The following CLSTN2 variants were observed in gnomAD, a reference collection of about 807,000 sequenced individuals.
CLSTN2 encodes calsyntenin 2, also known as calsyntenin-2.
In CLSTN2, 48 loss-of-function variants were observed where a neutral mutation model predicts 101.2. The observed-to-expected ratio is 0.47, with a 90% CI of 0.38 to 0.60. The LOEUF (loss-of-function observed/expected upper bound fraction) is 0.60, where lower values mean the gene tolerates loss of function less well. Among genes scored for constraint, CLSTN2 ranks in the 20% least tolerant of loss-of-function variants. The pLI is 0.00. For missense variants in CLSTN2, 1,160 were observed against 1,238.2 expected, an observed-to-expected ratio of 0.94 and a Z score of 0.95; for synonymous variants, 481 against 463.6, an observed-to-expected ratio of 1.04 and a Z score of -0.48.
At chr3:140,041,379 C>A (rs1576406515) in intron 1 of CLSTN2, among the ~76,000 whole-genome samples, 1 of 150,734 alleles carries the variant, frequency 6.6e-6, no homozygotes, top group Admixed American at 6.6e-5. Context: ...GGCTTCTGGG[C>A]AGACCCTTGT....
At chr3:140,442,074 A>G (rs1314796246) in intron 5 of CLSTN2, among the ~76,000 whole-genome samples, 1 of 152,114 alleles carries the variant, frequency 6.6e-6, no homozygotes, top group African/African-American at 2.4e-5. Flanking sequence ...GCAATGCTAT[A>G]TTAACCATGC....
intron 1 of CLSTN2, among the ~76,000 whole-genome samples, chr3:140,144,612 T>C (rs2009754267): frequency 6.6e-6 from 1 of 151,510 alleles, no homozygotes; most frequent in African/African-American, 2.4e-5. Flanking sequence ...CGAGACTTCA[T>C]CTCCAAAAAA....
At chr3:140,343,420 G>A (rs1205837982) in intron 2 of CLSTN2, among the ~76,000 whole-genome samples, 5 of 152,212 alleles carry the variant, frequency 3.3e-5, no homozygotes, top group Non-Finnish European at 7.3e-5. Flanking sequence ...TGGTTACCAT[G>A]AGGTTAGCTC....
chr3:140,384,835 T>C (rs140072019), intron 2 of CLSTN2, among the ~76,000 whole-genome samples: 2 of 152,366 alleles, frequency 1.3e-5, no homozygotes, highest in East Asian at 3.9e-4. Flanking sequence ...ACATTTAAAA[T>C]ATTCCTGTTC....
chr3:140,405,287 G>C (rs62266370), intron 4 of CLSTN2, among the ~76,000 whole-genome samples: 61,208 of 151,730 alleles, frequency 0.4, 14,777 homozygotes, highest in South Asian at 0.61. Flanking sequence ...GAGTACAATG[G>C]CACAATCTTC....
intron 5 of CLSTN2, among the ~76,000 whole-genome samples, chr3:140,435,222 C>T (rs1006645627): frequency 6.6e-6 from 1 of 152,158 alleles, no homozygotes; most frequent in Non-Finnish European, 1.5e-5. Context: ...CCCCTACCAC[C>T]CTTCTCAGCC....
chr3:140,148,806 T>C (rs1421391618), intron 1 of CLSTN2, among the ~76,000 whole-genome samples: 1 of 152,182 alleles, frequency 6.6e-6, no homozygotes, highest in African/African-American at 2.4e-5. Context: ...AGCTTCAGGA[T>C]GAGGAGTCCC....
At chr3:140,483,807 G>T (rs534330714) in intron 8 of CLSTN2, among the ~76,000 whole-genome samples, 1 of 151,620 alleles carries the variant, frequency 6.6e-6, no homozygotes, top group Non-Finnish European at 1.5e-5. Context: ...ATTGCTTTCC[G>T]TTTGCTTGGT....
chr3:140,466,077 C>T (rs1274165783), intron 7 of CLSTN2, among the ~76,000 whole-genome samples: 1 of 152,184 alleles, frequency 6.6e-6, no homozygotes, highest in Non-Finnish European at 1.5e-5. Context: ...AAATCAACCT[C>T]TCCCCTCCTC....
At chr3:140,274,012 G>A (rs1010715483) in intron 2 of CLSTN2, among the ~76,000 whole-genome samples, 1 of 152,120 alleles carries the variant, frequency 6.6e-6, no homozygotes, top group Admixed American at 6.5e-5. Flanking sequence ...TTAAGCAAAG[G>A]TTACAGCTCA....
Position 140,250,990 on chromosome 3 carries a change from A to G in CLSTN2, c.232+74917A>G, listed in dbSNP as rs565640676. 5.3e-5 allele frequency among the ~76,000 whole-genome samples: 8 copies of G among 152,278 alleles called. No individual in the cohort carries two copies. In the South Asian group the frequency reaches 1.7e-3, roughly 32 times the overall value. On this transcript the variant is annotated intron_variant, in intron 2 of 16. Transcript: ENST00000458420. ...GAATTCTGAGAAGAGTCTTTTCCTC[A>G]CTGACTGGTTTCCATGTGGCGGATA... is the stretch of plus-strand genomic sequence containing the variant.
At chr3:140,265,966 A>G (rs952776031) in intron 2 of CLSTN2, among the ~76,000 whole-genome samples, 2 of 152,204 alleles carry the variant, frequency 1.3e-5, no homozygotes, top group African/African-American at 4.8e-5. Context: ...TAGCTGGTGC[A>G]GACATCATCA....
chr3:140,565,470 G>A (rs914922054), intron 16 of CLSTN2, among the ~76,000 whole-genome samples: 2 of 152,120 alleles, frequency 1.3e-5, no homozygotes, highest in African/African-American at 4.8e-5. Context: ...AATTGGACTG[G>A]AAAGGAAGGG....
intron 1 of CLSTN2, among the ~76,000 whole-genome samples, chr3:140,156,365 C>T (rs978837989): frequency 3.3e-5 from 5 of 152,194 alleles, no homozygotes; most frequent in African/African-American, 9.7e-5. Flanking sequence ...CATTTTATTG[C>T]TCATGCTGAA....
intron 2 of CLSTN2, among the ~76,000 whole-genome samples, chr3:140,226,530 G>A (rs1352379198): frequency 6.6e-6 from 1 of 152,160 alleles, no homozygotes; most frequent in Non-Finnish European, 1.5e-5. Flanking sequence ...TGGTATATGG[G>A]TATTCATTAT....
chr3:140,061,302 C>T (rs1002574873), intron 1 of CLSTN2, among the ~76,000 whole-genome samples: 2 of 152,158 alleles, frequency 1.3e-5, no homozygotes, highest in African/African-American at 4.8e-5. Flanking sequence ...TAGTTGGTTT[C>T]TAACATAAGT....
At chr3:140,288,049 A>G (rs2086912232) in intron 2 of CLSTN2, among the ~76,000 whole-genome samples, 1 of 146,106 alleles carries the variant, frequency 6.8e-6, no homozygotes, top group Admixed American at 6.8e-5. Flanking sequence ...AACTCAACCA[A>G]CTGATGCCAA....
At chr3:140,549,147 T>G (rs1022509497) in intron 10 of CLSTN2, among the ~76,000 whole-genome samples, 16 of 129,568 alleles carry the variant, frequency 1.2e-4, no homozygotes, top group African/African-American at 4.4e-4. Flanking sequence ...GATTCTAAAT[T>G]TACTCTTTGC....
intron 1 of CLSTN2, among the ~76,000 whole-genome samples, chr3:140,000,459 A>G (rs1184264250): frequency 6.6e-6 from 1 of 152,216 alleles, no homozygotes; most frequent in Non-Finnish European, 1.5e-5. Flanking sequence ...TCATAATAGT[A>G]ATTAATACAA....
Sources: gnomAD v4.1 joint callset for allele counts (sites outside exome capture counted in the v4.1 genomes callset) on GRCh38, gnomAD v4.1.1 for gene constraint, MANE v1.5 for transcripts, NCBI Gene and HGNC (gene_info 2026-07-23, HGNC 2026-07-21) for gene names.